Variants in AFF3 observed in about 807,000 individuals in gnomAD.
AFF3 encodes AF4/FMR2 family member 3.
Under a neutral mutation model 129.7 loss-of-function variants are expected in AFF3, and 32 were observed. That is an observed-to-expected ratio of 0.25 (90% CI 0.19 to 0.33). AFF3 has a LOEUF of 0.33. Among genes scored for constraint, AFF3 ranks in the 10% least tolerant of loss-of-function variants. The pLI, the probability that AFF3 is intolerant of heterozygous loss-of-function variation, is 1.00. For synonymous variants in AFF3, 644 were observed against 635.4 expected (o/e 1.01, Z -0.20); for missense variants, 1,373 against 1,592.0 (o/e 0.86, Z 2.34).
At chr2:100,019,626 A>G (rs918075805) in intron 4 of AFF3, among the ~76,000 whole-genome samples, 4 of 152,204 alleles carry the variant, frequency 2.6e-5, no homozygotes, top group African/African-American at 4.8e-5. Flanking sequence ...GCGGGTCAAG[A>G]GGACACAGAA....
intron 4 of AFF3, among the ~76,000 whole-genome samples, chr2:100,016,557 G>A (rs139414977): frequency 6.6e-6 from 1 of 150,546 alleles, no homozygotes; most frequent in Non-Finnish European, 1.5e-5. Flanking sequence ...GATGGTGATA[G>A]TATTGGTGGT....
In AFF3 at chr2:100,089,257, T is replaced by C. The variant is rs10168886; in HGVS notation, c.53+15145A>G. 2.5e-3 allele frequency among the ~76,000 whole-genome samples: 371 copies of C among 148,868 alleles called. 2 individuals are homozygous for C. Among genetic ancestry groups the C allele is most frequent in the African/African-American group, 8.8e-3 (353 of 40,084 alleles). On this transcript the variant is annotated intron_variant, in intron 4 of 24. Transcript: ENST00000672756. ...TTGCCATTTAAATTTTTTCAAAAAT[T>C]AAAACCTGGCTCAAGTTACAAGTAA...
intron 24 of AFF3, among the ~76,000 whole-genome samples, chr2:99,552,770 T>C (rs1330936589): frequency 1.3e-5 from 2 of 152,134 alleles, no homozygotes; most frequent in Middle Eastern, 3.2e-3. Context: ...AGCCCTCTGG[T>C]AGGAGACATC....
chr2:99,983,098 G>C (rs968318241), intron 7 of AFF3, among the ~76,000 whole-genome samples: 1 of 152,188 alleles, frequency 6.6e-6, no homozygotes, highest in African/African-American at 2.4e-5. Flanking sequence ...TGGCTGATTG[G>C]AACTCAAGCG....
intron 2 of AFF3, among the ~76,000 whole-genome samples, chr2:100,121,993 C>T (rs1481034581): frequency 2.0e-5 from 3 of 151,520 alleles, no homozygotes; most frequent in African/African-American, 2.4e-5. Context: ...ACCCGGGAAG[C>T]GGAGCTTGCA....
intron 2 of AFF3, among the ~76,000 whole-genome samples, chr2:100,121,268 A>G (rs925597037): frequency 1.3e-5 from 2 of 152,188 alleles, no homozygotes; most frequent in African/African-American, 2.4e-5. Context: ...CAGAGAGAGG[A>G]GAAGCAGCTG....
At chr2:100,011,415 C>T (rs1682536884) in intron 4 of AFF3, 3 of 777,034 alleles carry the variant, frequency 3.9e-6, no homozygotes, top group Non-Finnish European at 7.2e-6. Flanking sequence ...CACGAAGTGG[C>T]CTCATGTAAG....
At chr2:99,666,001 G>A (rs1202562567) in intron 12 of AFF3, among the ~76,000 whole-genome samples, 3 of 152,186 alleles carry the variant, frequency 2.0e-5, no homozygotes, top group Non-Finnish European at 4.4e-5. Context: ...GGGTCATAAT[G>A]AGATCAAAAG....
intron 13 of AFF3, among the ~76,000 whole-genome samples, chr2:99,613,730 T>C (rs1681153613): frequency 6.6e-6 from 1 of 152,234 alleles, no homozygotes; most frequent in Non-Finnish European, 1.5e-5. Flanking sequence ...GAATGCTTGT[T>C]TCAGCTATGT....
At chr2:99,564,991 A>G (rs369356359) in intron 20 of AFF3, among the ~76,000 whole-genome samples, 15 of 152,244 alleles carry the variant, frequency 9.9e-5, no homozygotes, top group African/African-American at 2.9e-4. Context: ...GTCTGCTCAC[A>G]GGTCTTCACC....
intron 13 of AFF3, among the ~76,000 whole-genome samples, chr2:99,629,065 C>G (rs1682881066): frequency 6.6e-6 from 1 of 152,050 alleles, no homozygotes; most frequent in South Asian, 2.1e-4. Flanking sequence ...ACCATGTTGG[C>G]CAGGCTGGTC....
chr2:100,072,389 C>T (rs901148852), intron 4 of AFF3, among the ~76,000 whole-genome samples: 4 of 152,194 alleles, frequency 2.6e-5, no homozygotes, highest in East Asian at 3.9e-4. Context: ...CTCACCTCCT[C>T]GTCCATGGAA....
In AFF3 at chr2:99,649,642, G is replaced by A. The variant is rs762261479; in HGVS notation, c.1168C>T (p.Arg390Cys). ...EQQAAQRTAL[R>C]ALSDSAVVQQ... Reference sequence around the variant, plus strand: ...AAAATGTACCTGTCAGAGAGAGCGCGGAGAGCCGTTCTCTGAGCTGCCTGC... The same window carrying A: ...AAAATGTACCTGTCAGAGAGAGCGCAGAGAGCCGTTCTCTGAGCTGCCTGC... Residue 390 changes from arginine to cysteine, a missense_variant, in exon 13 of 25, where the codon CGC (arginine) becomes TGC (cysteine). Transcript: ENST00000672756. 4.9e-5 allele frequency: 79 copies of A among 1,614,002 alleles called. No homozygotes were observed. The highest frequency in any genetic ancestry group is 5.8e-5 in the Non-Finnish European group (69 of 1,180,010).
chr2:99,881,332 T>C (rs1234787110), intron 7 of AFF3, among the ~76,000 whole-genome samples: 4 of 151,522 alleles, frequency 2.6e-5, no homozygotes, highest in Admixed American at 2.6e-4. Context: ...TCCTGCCTCA[T>C]CATTCATCAT....
intron 1 of AFF3, among the ~76,000 whole-genome samples, chr2:100,133,888 G>A (rs193174665): frequency 2.0e-3 from 302 of 152,028 alleles, no homozygotes; most frequent in African/African-American, 6.6e-3. Context: ...AGCTGAGATC[G>A]CGCCACTGCA....
At chr2:100,128,983 G>A (rs745728644) in intron 2 of AFF3, among the ~76,000 whole-genome samples, 4 of 152,096 alleles carry the variant, frequency 2.6e-5, no homozygotes, top group Non-Finnish European at 5.9e-5. Flanking sequence ...AATGGTCAGG[G>A]GGCTCCAGAG....
At chr2:99,901,586 G>A (rs913637683) in intron 7 of AFF3, among the ~76,000 whole-genome samples, 2 of 152,108 alleles carry the variant, frequency 1.3e-5, no homozygotes, top group Non-Finnish European at 2.9e-5. Flanking sequence ...GGAATCTGGG[G>A]CTTAGCCTCT....
intron 4 of AFF3, among the ~76,000 whole-genome samples, chr2:100,047,582 T>C (rs1685941598): frequency 6.6e-6 from 1 of 152,232 alleles, no homozygotes; most frequent in South Asian, 2.1e-4. Context: ...GTAGTATATA[T>C]TCTCAACAAT....
chr2:100,009,396 A>C (rs1290806297), intron 4 of AFF3, among the ~76,000 whole-genome samples: 2 of 151,114 alleles, frequency 1.3e-5, no homozygotes, highest in East Asian at 3.9e-4. Flanking sequence ...CTCCCTAAAG[A>C]GCTGTTAAAA....
Sources: allele counts gnomAD v4.1 joint callset (sites outside exome capture counted in the v4.1 genomes callset), GRCh38; gene constraint gnomAD v4.1.1; transcripts MANE v1.5; gene names NCBI Gene and HGNC (gene_info 2026-07-23, HGNC 2026-07-21).